Variants in APLF observed in about 807,000 individuals in gnomAD.
APLF encodes aprataxin and PNKP like factor, also known as aprataxin and PNK-like factor.
APLF carries 61 observed loss-of-function variants against 55.6 expected under a neutral mutation model. The observed-to-expected ratio is 1.10, with a 90% CI of 0.89 to 1.36. APLF has a LOEUF of 1.36. Among genes scored for constraint, APLF ranks in the 40% most tolerant of loss-of-function variants. The pLI is 0.00. For synonymous variants in APLF, 207 were observed against 214.8 expected, an observed-to-expected ratio of 0.96 and a Z score of 0.32; for missense variants, 611 against 602.5, an observed-to-expected ratio of 1.01 and a Z score of -0.15.
chr2:68,507,185 A>G (rs1676894485), intron 3 of APLF, among the ~76,000 whole-genome samples: 3 of 151,890 alleles, frequency 2.0e-5, no homozygotes, highest in Non-Finnish European at 2.9e-5. Context: ...TATATTCTCT[A>G]TATATTTTTG....
At chr2:68,467,910 G>C in intron 1 of APLF, 83 bp downstream of exon 1, 1 of 1,096,106 alleles carries the variant, frequency 9.1e-7, no homozygotes, top group Non-Finnish European at 1.2e-6. Context: ...AGTCCTGGCC[G>C]GTTTCCCCAC....
At chr2:68,561,373 C>T (rs1671162371) in intron 8 of APLF, among the ~76,000 whole-genome samples, 1 of 151,980 alleles carries the variant, frequency 6.6e-6, no homozygotes, top group Non-Finnish European at 1.5e-5. Context: ...AAATCTGAGC[C>T]CCTTTCACAA....
chr2:68,571,312 G>A (rs1208286742), intron 9 of APLF, among the ~76,000 whole-genome samples: 3 of 152,088 alleles, frequency 2.0e-5, no homozygotes, highest in African/African-American at 7.2e-5. Context: ...GATCCCATTT[G>A]TCAATTTTGG....
chr2:68,490,444 A>G (rs1676323303), intron 2 of APLF, among the ~76,000 whole-genome samples, 183 bp downstream of exon 2: 1 of 152,190 alleles, frequency 6.6e-6, no homozygotes, highest in Non-Finnish European at 1.5e-5. Flanking sequence ...ATATTTTCTC[A>G]TAGGACAATG....
rs944622937 is a variant in APLF at position 68,529,520 on chromosome 2, TAA to T, written c.804+3279_804+3280del. ...GGGTCAGAAGCGGAGAGGATACTCC[TAA>T]GTCACCCACTTCTCTGTGGCTGGGT... On this transcript the variant is annotated intron_variant, in intron 6 of 9. Transcript: ENST00000303795. The surrounding 1 kb of genome is among the most constrained non-coding windows in gnomAD (Gnocchi z 4.4). 1.6e-5 allele frequency: 16 copies of T among 981,016 alleles called. No homozygotes were observed. The highest frequency in any genetic ancestry group is 1.0e-4 in the Admixed American group (2 of 19,736). The allele number at this position is 981,016 out of a possible 1,614,324, so 60.8% of individuals were successfully genotyped here.
intron 5 of APLF, among the ~76,000 whole-genome samples, chr2:68,519,684 A>G (rs936345224): frequency 1.3e-5 from 2 of 150,408 alleles, no homozygotes; most frequent in African/African-American, 4.9e-5. Context: ...ATATGTATAT[A>G]TATATATATT....
intron 9 of APLF, among the ~76,000 whole-genome samples, chr2:68,576,256 T>C (rs1314937132): frequency 1.3e-5 from 2 of 152,184 alleles, no homozygotes; most frequent in East Asian, 3.8e-4. Flanking sequence ...TGATGTTCTT[T>C]CCTTCTCATT....
intron 8 of APLF, among the ~76,000 whole-genome samples, chr2:68,558,768 A>G (rs150266055): frequency 7.9e-4 from 120 of 152,228 alleles, no homozygotes; most frequent in African/African-American, 2.7e-3. Flanking sequence ...TCCATTAGCT[A>G]TTCTTCCTGA....
rs191343107 is a variant in APLF, at chr2:68,562,086, G to A, written c.1287-5255G>A. Among the ~76,000 whole-genome samples, 3 of 152,072 alleles carry A rather than the reference G, an allele frequency of 2.0e-5. No homozygotes were observed. In the East Asian group the frequency reaches 5.8e-4, roughly 29 times the overall value. On this transcript the variant is annotated intron_variant, in intron 8 of 9. Transcript: ENST00000303795. ...AGAAAAGATGGAAATGATACCGTTT[G>A]TGATAAGGTAGATGAACCTAGAGAA...
intron 7 of APLF, among the ~76,000 whole-genome samples, chr2:68,539,311 G>GT (rs1458578424): frequency 6.6e-6 from 1 of 152,206 alleles, no homozygotes; most frequent in Admixed American, 6.5e-5. Context: ...AAACAGAAAT[G>GT]TATTTTCCCA....
chr2:68,561,240 T>A (rs1020764619), intron 8 of APLF, among the ~76,000 whole-genome samples: 57 of 152,120 alleles, frequency 3.7e-4, no homozygotes, highest in African/African-American at 1.4e-3. Flanking sequence ...CAATCTTATG[T>A]GAGGTAGACA....
intron 2 of APLF, among the ~76,000 whole-genome samples, chr2:68,491,534 G>A (rs752205595): frequency 4.6e-5 from 7 of 152,116 alleles, no homozygotes; most frequent in Non-Finnish European, 8.8e-5. Context: ...CTAATACCCT[G>A]CCAATGAACT....
chr2:68,552,839 G>A (rs972796941), intron 8 of APLF, among the ~76,000 whole-genome samples: 2 of 151,736 alleles, frequency 1.3e-5, no homozygotes, highest in African/African-American at 4.8e-5. Context: ...ACGTGTAGAT[G>A]TATACGTATA....
chr2:68,542,520 A>G (rs1670583899), intron 7 of APLF, among the ~76,000 whole-genome samples: 1 of 151,098 alleles, frequency 6.6e-6, no homozygotes, highest in Non-Finnish European at 1.5e-5. Flanking sequence ...TAAAGATAAT[A>G]TACAAATGAC....
chr2:68,518,849 T>C (rs1223400892), intron 5 of APLF, among the ~76,000 whole-genome samples: 1 of 126,546 alleles, frequency 7.9e-6, no homozygotes, highest in Non-Finnish European at 1.6e-5. Context: ...TGTAATAAAA[T>C]ACTAATATTA....
At chr2:68,503,842 A>C (rs1168030688) in intron 3 of APLF, among the ~76,000 whole-genome samples, 1 of 152,076 alleles carries the variant, frequency 6.6e-6, no homozygotes, top group Non-Finnish European at 1.5e-5. Flanking sequence ...AAAAAAAGAA[A>C]GTAAGAACTA....
intron 2 of APLF, among the ~76,000 whole-genome samples, chr2:68,494,207 G>A (rs138122899): frequency 9.1e-5 from 13 of 142,108 alleles, no homozygotes; most frequent in Non-Finnish European, 1.5e-4. Context: ...ACCCCAGGGG[G>A]ACAGAGATAG....
intron 8 of APLF, among the ~76,000 whole-genome samples, chr2:68,565,547 A>ATACG (rs1268878390): frequency 6.6e-6 from 1 of 152,026 alleles, no homozygotes; most frequent in Admixed American, 6.6e-5. Context: ...ACATACATAC[A>ATACG]TACATACATA....
intron 1 of APLF, among the ~76,000 whole-genome samples, chr2:68,470,625 G>C (rs561706326): frequency 6.6e-6 from 1 of 152,268 alleles, no homozygotes; most frequent in South Asian, 2.1e-4. Context: ...TTTAATTAAA[G>C]CTGTTACACT....
Sources: gnomAD v4.1 joint callset for allele counts (sites outside exome capture counted in the v4.1 genomes callset) on GRCh38, gnomAD v4.1.1 for gene constraint, Gnocchi (gnomAD v3.1) non-coding constraint, MANE v1.5 for transcripts, NCBI Gene and HGNC (gene_info 2026-07-23, HGNC 2026-07-21) for gene names.